TPO: variants seen among roughly 807,000 people sequenced by gnomAD.
The protein encoded by TPO is thyroid microsomal antigen.
Under a neutral mutation model 96.9 loss-of-function variants are expected in TPO, and 78 were observed. That is an observed-to-expected ratio of 0.81 (90% CI 0.67 to 0.97). The LOEUF (loss-of-function observed/expected upper bound fraction) is 0.97, where lower values mean the gene tolerates loss of function less well. Among genes scored for constraint, TPO ranks in the 50% least tolerant of loss-of-function variants. TPO has a pLI of 0.00. For synonymous variants in TPO, 547 were observed against 538.0 expected, an observed-to-expected ratio of 1.02 and a Z score of -0.23; for missense variants, 1,252 against 1,274.8, an observed-to-expected ratio of 0.98 and a Z score of 0.27.
rs142994230 is a variant in TPO at position 1,512,984 on chromosome 2, G to C, written c.2519-3899G>C. ...ACAAGCCTAACTGTTGTTGCACGGA[G>C]GCCACACACGTCCCTGATGAAAGAG... On this transcript the variant is annotated intron_variant, in intron 14 of 16. Coordinates refer to ENST00000329066, the MANE Select transcript of TPO (RefSeq NM_001206744.2). Among the ~76,000 whole-genome samples, 577 of 152,340 alleles carry C rather than the reference G, an allele frequency of 3.8e-3. 3 individuals are homozygous for C. The highest frequency in any genetic ancestry group is 0.013 in the African/African-American group (538 of 41,574).
chr2:1,450,267 C>A (rs1281874658), intron 5 of TPO, among the ~76,000 whole-genome samples: 1 of 152,182 alleles, frequency 6.6e-6, no homozygotes, highest in Non-Finnish European at 1.5e-5. Context: ...TGTCTTGCGG[C>A]CTCAGTCCAC....
rs28915687 is a variant in TPO at position 1,542,508 on chromosome 2, A to T, written c.*34A>T. Reference sequence around the variant, plus strand: ...TGGCAGGACACTGCAGAACAGCTTCATGTTCCCAAAATCACCGTACGACTC... The same window carrying T: ...TGGCAGGACACTGCAGAACAGCTTCTTGTTCCCAAAATCACCGTACGACTC... On this transcript the variant is annotated 3_prime_UTR_variant, in exon 17 of 17. Transcript: ENST00000329066. 1.2e-3 allele frequency: 1,986 copies of T among 1,613,648 alleles called. 27 individuals carry two copies. In the African/African-American group the frequency reaches 0.022, roughly 17 times the overall value.
chr2:1,543,429 G>A lies in TPO; in HGVS notation c.*955G>A, dbSNP rs1242578952. Reference sequence around the variant, plus strand: ...ACAGACCATCGAGGCAGCACTGAATGATCTCACCCACGAATGACAACAGTG... The same window carrying A: ...ACAGACCATCGAGGCAGCACTGAATAATCTCACCCACGAATGACAACAGTG... On this transcript the variant is annotated 3_prime_UTR_variant, in exon 17 of 17. Transcript: ENST00000329066. The A allele has an allele frequency of 1.3e-5, 2 of 152,176 alleles. No individual in the cohort carries two copies. Among genetic ancestry groups the A allele is most frequent in the Admixed American group, 6.5e-5 (1 of 15,286 alleles). 9.4% of individuals were successfully genotyped at this position (152,176 alleles called of 1,614,324 possible). A position where few individuals can be genotyped will look rare whatever the true frequency, so the allele number is the denominator to read the frequency against.
chr2:1,412,297 TTTC>T (rs1477491471), upstream of TPO, among the ~76,000 whole-genome samples: 2 of 152,210 alleles, frequency 1.3e-5, no homozygotes, highest in African/African-American at 2.4e-5. Context: ...GCTCTGTGCT[TTTC>T]TTCTGTTCCC....
In TPO at chr2:1,496,100, G is replaced by A. The variant is rs1672304453; in HGVS notation, c.2118G>A (p.Met706Ile). The A allele has an allele frequency of 6.2e-7, 1 of 1,613,978 alleles. No homozygotes were observed. The highest frequency in any genetic ancestry group is 8.5e-7 in the Non-Finnish European group (1 of 1,180,032). The change falls in exon 12 of 17, where the codon ATG becomes ATA. Residue 706 changes from methionine (M) to isoleucine (I), a missense_variant. Coordinates refer to ENST00000329066, the MANE Select transcript of TPO (RefSeq NM_001206744.2). ...CDNTGLTRVPMDAFQVGKFPE... is the reference protein window; with the variant it reads ...CDNTGLTRVPIDAFQVGKFPE... ...ACACTGGCCTCACCAGGGTGCCCAT[G>A]GATGCCTTCCAAGTCGGCAAATTCC...
chr2:1,429,822 G>A (rs915681958), intron 3 of TPO, among the ~76,000 whole-genome samples: 1 of 152,194 alleles, frequency 6.6e-6, no homozygotes, highest in Admixed American at 6.5e-5. Context: ...AGAATTCAAG[G>A]GGTGGTCTGG....
intron 1 of TPO, among the ~76,000 whole-genome samples, chr2:1,383,909 A>T (rs1290302696): frequency 6.6e-6 from 1 of 152,158 alleles, no homozygotes; most frequent in Non-Finnish European, 1.5e-5. Context: ...GTGTAAGGAA[A>T]GGATCCAGTT....
intron 1 of TPO, among the ~76,000 whole-genome samples, chr2:1,378,995 G>A (rs1055814114): frequency 6.6e-6 from 1 of 152,166 alleles, no homozygotes; most frequent in African/African-American, 2.4e-5. Flanking sequence ...AATCTGAAAT[G>A]TCTGTGATAA....
intron 1 of TPO, among the ~76,000 whole-genome samples, chr2:1,405,306 T>C (rs956934491): frequency 6.6e-6 from 1 of 150,748 alleles, no homozygotes; most frequent in African/African-American, 2.4e-5. Context: ...CATCATCCAT[T>C]CACTCATCCA....
intron 14 of TPO, chr2:1,512,375 C>G: frequency 1.0e-6 from 1 of 985,224 alleles, no homozygotes; most frequent in Non-Finnish European, 1.2e-6. Flanking sequence ...TGGACACTGT[C>G]CATCTGCCTC....
upstream of TPO, among the ~76,000 whole-genome samples, chr2:1,408,910 T>C (rs1662285975): frequency 6.6e-6 from 1 of 152,214 alleles, no homozygotes; most frequent in Non-Finnish European, 1.5e-5. Context: ...GGCTGAAATG[T>C]CTGAAGGGCA....
At chr2:1,455,333 T>C (rs10165715) in intron 6 of TPO, among the ~76,000 whole-genome samples, 141,432 of 152,234 alleles carry the variant, frequency 0.93, 65,773 homozygotes, top group South Asian at 0.98. Flanking sequence ...AAGATTCATA[T>C]CCAGTCCACA....
rs1445344376 is a variant in TPO, at chr2:1,542,957, A to G, written c.*483A>G. ...TCCTGCAGGGCCGGTGGGAGGAGGA[A>G]AGTGATTCTGAGGGAGAGGCTGGAG... On this transcript the variant is annotated 3_prime_UTR_variant, in exon 17 of 17. Transcript: ENST00000329066. 2.1e-5 allele frequency: 5 copies of G among 241,290 alleles called. No individual in the cohort carries two copies. The highest frequency in any genetic ancestry group is 4.1e-5 in the Non-Finnish European group (5 of 122,262). 14.9% of individuals were successfully genotyped at this position (241,290 alleles called of 1,614,324 possible). A position where few individuals can be genotyped will look rare whatever the true frequency, so the allele number is the denominator to read the frequency against.
At chr2:1,526,853 A>G (rs368787785) in intron 15 of TPO, among the ~76,000 whole-genome samples, 2 of 105,952 alleles carry the variant, frequency 1.9e-5, no homozygotes, top group South Asian at 6.4e-4. Flanking sequence ...ACTCTGTGCA[A>G]CCTCCCCAAA....
rs1365186830 is a variant in TPO, at chr2:1,541,049, C to CCTGA, written c.2748+329_2748+332dup. On this transcript the variant is annotated intron_variant, in intron 16 of 16. Coordinates refer to ENST00000329066, the MANE Select transcript of TPO (RefSeq NM_001206744.2). ...GAGGAAGGAGAAGCTGAAGCAAAAC[C>CCTGA]CTGACTTTTAAATTCTGATTTTTAA... The CCTGA allele has an allele frequency of 3.1e-6, 4 of 1,284,780 alleles. No individual in the cohort carries two copies. The African/African-American group carries it at 4.6e-5, about 15-fold the overall frequency. 79.6% of individuals were successfully genotyped at this position (1,284,780 alleles called of 1,614,324 possible). A position where few individuals can be genotyped will look rare whatever the true frequency, so the allele number is the denominator to read the frequency against.
At chr2:1,532,937 A>G (rs1401962700) in intron 15 of TPO, among the ~76,000 whole-genome samples, 7 of 99,822 alleles carry the variant, frequency 7.0e-5, no homozygotes, top group Admixed American at 2.2e-4. Flanking sequence ...CTCCCCCACT[A>G]TGTGCAACCT....
chr2:1,541,134 TGTATGCAGAACCCCAAGG>T, intron 16 of TPO: 2 of 1,184,632 alleles, frequency 1.7e-6, no homozygotes, highest in Non-Finnish European at 2.1e-6. Context: ...CCCCTTACCT[TGTATGCAGAACCCCAAGG>T]GAGGCCATAT....
rs1342683647 is a variant in TPO, at chr2:1,508,149, G to T, written c.2518+4070G>T. 5.9e-5 allele frequency among the ~76,000 whole-genome samples: 9 copies of T among 152,158 alleles called. No homozygotes were observed. In the East Asian group the frequency reaches 1.2e-3, roughly 20 times the overall value. On this transcript the variant is annotated intron_variant, in intron 14 of 16. Transcript: ENST00000329066. ...CTGCATCTATTGAGATAATCATGTG[G>T]TTTTTGTCTTTGATTCTGTTTATAT...
chr2:1,529,151 C>A lies in TPO; in HGVS notation c.2619-11443C>A, dbSNP rs190962209. On this transcript the variant is annotated intron_variant, in intron 15 of 16. Transcript: ENST00000329066. The stretch of plus-strand genomic sequence containing the variant: ...CCCCGAATCCCCCCACTGTGTGCAA[C>A]CTCCCTGAATCCCCCCACTGTGTGC... Among the ~76,000 whole-genome samples the A allele has an allele frequency of 5.3e-3, 462 of 86,640 alleles. 20 individuals are homozygous for A. The highest frequency in any genetic ancestry group is 0.024 in the African/African-American group (428 of 17,792). The allele number at this position is 86,640 out of a possible 152,430, so 56.8% of individuals were successfully genotyped here.
Sources: allele counts gnomAD v4.1 joint callset (sites outside exome capture counted in the v4.1 genomes callset), GRCh38; gene constraint gnomAD v4.1.1; transcripts MANE v1.5; gene names NCBI Gene and HGNC (gene_info 2026-07-23, HGNC 2026-07-21).